RAPGEF6: variants seen among roughly 807,000 people sequenced by gnomAD.
The protein encoded by RAPGEF6 is PDZ domain containing guanine nucleotide exchange factor (GEF) 2.
RAPGEF6 carries 56 observed loss-of-function variants against 171.4 expected under a neutral mutation model. That is an observed-to-expected ratio of 0.33 (90% CI 0.26 to 0.41). The LOEUF (loss-of-function observed/expected upper bound fraction) is 0.41. Among genes scored for constraint, RAPGEF6 ranks in the 10% least tolerant of loss-of-function variants. RAPGEF6 has a pLI of 1.00. For missense variants in RAPGEF6, 1,674 were observed against 1,921.4 expected, an observed-to-expected ratio of 0.87 and a Z score of 2.41; for synonymous variants, 692 against 650.1, an observed-to-expected ratio of 1.06 and a Z score of -0.98.
chr5:131,592,596 G>A, intron 3 of RAPGEF6, 130 bp from the exon 4 acceptor site: 1 of 1,427,174 alleles, frequency 7.0e-7, no homozygotes, highest in Non-Finnish European at 9.2e-7. Flanking sequence ...CTGGAAATTT[G>A]GAATATTTTG....
intron 7 of RAPGEF6, among the ~76,000 whole-genome samples, chr5:131,520,861 C>T (rs1448951582): frequency 6.6e-6 from 1 of 152,158 alleles, no homozygotes; most frequent in Non-Finnish European, 1.5e-5. Context: ...CCCAATATTA[C>T]AATGATCACT....
intron 1 of RAPGEF6, among the ~76,000 whole-genome samples, chr5:131,630,868 T>C (rs953486648): frequency 6.6e-6 from 1 of 152,230 alleles, no homozygotes; most frequent in African/African-American, 2.4e-5. Context: ...TCTCATCCCT[T>C]TGTATATTTT....
Position 131,426,270 on chromosome 5 carries a change from G to A in RAPGEF6, c.*996C>T, listed in dbSNP as rs984500167. ...CAGAACACTGCATAAAGTCAAATTCGTCTTCATTATTACAACACCCATGAT... is the reference window on the plus strand; with the variant it reads ...CAGAACACTGCATAAAGTCAAATTCATCTTCATTATTACAACACCCATGAT... On this transcript the variant is annotated 3_prime_UTR_variant, in exon 28 of 28. Coordinates refer to ENST00000509018, the MANE Select transcript of RAPGEF6 (RefSeq NM_016340.6). The A allele has an allele frequency of 6.6e-6, 1 of 152,104 alleles. No individual in the cohort carries two copies. Among genetic ancestry groups the A allele is most frequent in the Admixed American group, 6.6e-5 (1 of 15,250 alleles). The allele number at this position is 152,104 out of a possible 1,614,324, so 9.4% of individuals were successfully genotyped here.
rs1358530147 is a variant in RAPGEF6 at position 131,498,721 on chromosome 5, C to T, written c.1255-114G>A. ...CTCCATTAGACAAATCGTCAAAGTA[C>T]AGTTTCGCCTTTAAATCCTTAGCGC... On this transcript the variant is annotated intron_variant, in intron 11 of 27. Transcript: ENST00000509018. 18 of 978,520 alleles carry T rather than the reference C, an allele frequency of 1.8e-5. 1 individual carries two copies. Among genetic ancestry groups the T allele is most frequent in the African/African-American group, 3.3e-5 (2 of 59,822 alleles). 60.6% of individuals were successfully genotyped at this position (978,520 alleles called of 1,614,324 possible). A position where few individuals can be genotyped will look rare whatever the true frequency, so the allele number is the denominator to read the frequency against.
At chr5:131,472,465 TCAAGTCATAATCTAGAGTTAAGAGGGCTG>T in intron 17 of RAPGEF6, 93 bp downstream of exon 17, 1 of 1,145,276 alleles carries the variant, frequency 8.7e-7, no homozygotes, top group African/African-American at 1.5e-5. Context: ...GTTTTTTGCA[TCAAGTCATAATCTAGAGTTAAGAGGGCTG>T]CAAGTAACTC....
At chr5:131,591,578 T>C (rs575623330) in intron 4 of RAPGEF6, among the ~76,000 whole-genome samples, 1 of 152,336 alleles carries the variant, frequency 6.6e-6, no homozygotes, top group East Asian at 1.9e-4. Context: ...GAAGTCTGGC[T>C]CCAGAGTGTG....
At chr5:131,588,383 A>C (rs1763386065) in intron 4 of RAPGEF6, among the ~76,000 whole-genome samples, 2 of 152,152 alleles carry the variant, frequency 1.3e-5, no homozygotes, top group African/African-American at 4.8e-5. Flanking sequence ...CTACATCTGG[A>C]ACTTAGGCCA....
chr5:131,606,100 C>T (rs965579991), intron 1 of RAPGEF6, among the ~76,000 whole-genome samples: 1 of 150,826 alleles, frequency 6.6e-6, no homozygotes, highest in Non-Finnish European at 1.5e-5. Context: ...CAGTGGCTCT[C>T]GCCTGTAATC....
In RAPGEF6 at chr5:131,463,509, G is replaced by A. The variant is rs192868733; in HGVS notation, c.2480+532C>T. ...CAGGAGAACCGCTTGAACCTGGGAG[G>A]TGGAGGTTGCAGTGAGCTGAGATCG... On this transcript the variant is annotated intron_variant, in intron 18 of 27. Coordinates refer to ENST00000509018, the MANE Select transcript of RAPGEF6 (RefSeq NM_016340.6). 475 of 201,090 alleles carry A rather than the reference G, an allele frequency of 2.4e-3. 3 individuals are homozygous for A. The highest frequency in any genetic ancestry group is 7.6e-3 in the Middle Eastern group (3 of 396). 12.5% of individuals were successfully genotyped at this position (201,090 alleles called of 1,614,324 possible). A position where few individuals can be genotyped will look rare whatever the true frequency, so the allele number is the denominator to read the frequency against.
Position 131,431,077 on chromosome 5 carries a change from C to A in RAPGEF6, c.4247G>T (p.Ser1416Ile). 6.2e-7 allele frequency: 1 copy of A among 1,614,162 alleles called. No individual in the cohort carries two copies. Among genetic ancestry groups the A allele is most frequent in the Non-Finnish European group, 8.5e-7 (1 of 1,180,030 alleles). ...ACACTGCCCACAAGTTCTAGAGCAGCTTTTAGAACAGGAATAGGGCTCAGA... is the reference window on the plus strand; with the variant it reads ...ACACTGCCCACAAGTTCTAGAGCAGATTTTAGAACAGGAATAGGGCTCAGA... ...TDSEPYSCSKSCSRTCGQCKG... is the reference protein window; with the variant it reads ...TDSEPYSCSKICSRTCGQCKG... Residue 1416 changes from serine to isoleucine, a missense_variant, in exon 26 of 28, where the codon AGC becomes ATC. Physicochemically the swap from Ser to Ile is moderately radical, Grantham distance 142. Coordinates refer to ENST00000509018, the MANE Select transcript of RAPGEF6 (RefSeq NM_016340.6).
chr5:131,523,177 T>C (rs780364562), intron 6 of RAPGEF6, among the ~76,000 whole-genome samples: 11 of 151,470 alleles, frequency 7.3e-5, no homozygotes, highest in Non-Finnish European at 1.5e-4. Flanking sequence ...GTCTCTAAAA[T>C]AACTGTCTTT....
chr5:131,464,898 T>C (rs902258635), intron 17 of RAPGEF6, among the ~76,000 whole-genome samples: 3 of 152,198 alleles, frequency 2.0e-5, no homozygotes, highest in Admixed American at 6.5e-5. Context: ...GGAACAAATT[T>C]GGTCACATCC....
Position 131,461,960 on chromosome 5 carries a change from A to T in RAPGEF6, c.2609T>A (p.Met870Lys), listed in dbSNP as rs760355932. ...STIEVATQLS[M>K]RDFDLFRNIE... ...ATTACGAAACAAATCAAAGTCCCTC[A>T]TTGACAGCTGGGTGGCCACCTCAAT... Residue 870 changes from methionine to lysine, a missense_variant, in exon 19 of 28, where the codon ATG (methionine) becomes AAG (lysine). Physicochemically the swap from Met to Lys is moderately conservative, Grantham distance 95 (BLOSUM62 -1). This residue lies in a region of RAPGEF6 where 1,116 missense variants were observed against 1,321.5 expected (regional missense o/e 0.84). Transcript: ENST00000509018. 6.2e-7 allele frequency: 1 copy of T among 1,614,114 alleles called. No individual in the cohort carries two copies. Among genetic ancestry groups the T allele is most frequent in the Non-Finnish European group, 8.5e-7 (1 of 1,179,990 alleles).
At chr5:131,450,097 C>G in intron 21 of RAPGEF6, 7 of 1,496,374 alleles carry the variant, frequency 4.7e-6, no homozygotes, top group Non-Finnish European at 6.3e-6. Flanking sequence ...TAGGAAAGCA[C>G]AGAAAAAAGA....
intron 24 of RAPGEF6, 114 bp downstream of exon 24, chr5:131,439,467 G>T: frequency 7.0e-7 from 1 of 1,428,770 alleles, no homozygotes. Flanking sequence ...AAAAGCATTA[G>T]GAGTTATGCT....
At chr5:131,562,185 T>A (rs765864054) in intron 4 of RAPGEF6, 138 bp from the exon 5 acceptor site, 23 of 570,800 alleles carry the variant, frequency 4.0e-5, no homozygotes, top group South Asian at 1.0e-4. Flanking sequence ...ATATTTATGT[T>A]AAGATTTTCT....
chr5:131,561,116 T>TAA (rs571759957), intron 5 of RAPGEF6, among the ~76,000 whole-genome samples: 5 of 148,060 alleles, frequency 3.4e-5, no homozygotes, highest in African/African-American at 1.2e-4. Context: ...TTCTAATACT[T>TAA]AAAAAAAAAA....
chr5:131,486,008 T>C (rs571329430), intron 15 of RAPGEF6, among the ~76,000 whole-genome samples: 1 of 152,280 alleles, frequency 6.6e-6, no homozygotes, highest in African/African-American at 2.4e-5. Flanking sequence ...AGAACATATT[T>C]ATTTTCTTTT....
intron 4 of RAPGEF6, among the ~76,000 whole-genome samples, chr5:131,590,207 C>T (rs984429888): frequency 6.6e-6 from 1 of 152,166 alleles, no homozygotes; most frequent in African/African-American, 2.4e-5. Flanking sequence ...TGAGACCAGT[C>T]TAGCCAACAT....
Sources: allele counts gnomAD v4.1 joint callset (sites outside exome capture counted in the v4.1 genomes callset), GRCh38; gene constraint gnomAD v4.1.1; regional missense constraint gnomAD v4.1.1; transcripts MANE v1.5; gene names NCBI Gene and HGNC (gene_info 2026-07-23, HGNC 2026-07-21).